Variants in SYTL2 observed in about 807,000 individuals in gnomAD.
SYTL2 encodes synaptotagmin like 2.
A neutral mutation model predicts 198.7 loss-of-function variants in SYTL2; 165 were observed. The observed-to-expected ratio is 0.83, with a 90% CI of 0.73 to 0.94. The LOEUF (loss-of-function observed/expected upper bound fraction) is 0.94, where lower values mean the gene tolerates loss of function less well. Among genes scored for constraint, SYTL2 ranks in the 40% least tolerant of loss-of-function variants. The probability of loss-of-function intolerance (pLI) is 0.00; values close to 1 mark genes in which losing one functional copy is unlikely to be tolerated. For missense variants in SYTL2, 2,835 were observed against 2,582.8 expected, an observed-to-expected ratio of 1.10 and a Z score of -2.12; for synonymous variants, 966 against 917.7, an observed-to-expected ratio of 1.05 and a Z score of -0.95.
the SYTL2 span, among the ~76,000 whole-genome samples, chr11:85,851,176 T>C: frequency 6.7e-6 from 1 of 149,140 alleles, no homozygotes; most frequent in African/African-American, 2.5e-5. Flanking sequence ...GAAAGTATAA[T>C]AAAAAAAAAA....
intron 1 of SYTL2, among the ~76,000 whole-genome samples, chr11:85,783,459 T>C (rs1216533353): frequency 6.6e-6 from 1 of 152,180 alleles, no homozygotes; most frequent in African/African-American, 2.4e-5. Context: ...TAAAACACTT[T>C]GATTTTTATA....
chr11:85,734,114 A>G lies in SYTL2; in HGVS notation c.1215T>C (p.Ser405=), dbSNP rs1413085628. ...CAGAAGTCATTGGCTGATGTGTTTCACTTTTTGATACATATGGGCTTGAGG... is the reference window on the plus strand; with the variant it reads ...CAGAAGTCATTGGCTGATGTGTTTCGCTTTTTGATACATATGGGCTTGAGG... ...QSTSSPYVSK[S]ETHQPMTSGS... The change falls in exon 7 of 20, where the codon AGT becomes AGC. Residue 405 remains serine (S), a synonymous_variant. Transcript: ENST00000359152. The G allele has an allele frequency of 6.2e-7, 1 of 1,614,174 alleles. No homozygotes were observed. Among genetic ancestry groups the G allele is most frequent in the Admixed American group, 1.7e-5 (1 of 60,024 alleles).
At position 85,745,644 on chromosome 11, in the gene SYTL2, T is replaced by C. The variant is rs1313089913; in HGVS notation, c.382A>G (p.Ser128Gly). Residue 128 changes from serine (S) to glycine (G), a missense_variant, in exon 4 of 20, where the codon AGC becomes GGC. Ser to Gly is a moderately conservative substitution (Grantham distance 56). Transcript: ENST00000359152. The part of the protein sequence containing the change: ...EEPEEDAAPA[S>G]PSSSVVNPAS... ...CCAGAAGCTTTGCCTTACCTCGGGC[T>C]TGCTGGTGCTGCATCTTCTTCTGGC... The C allele has an allele frequency of 1.2e-6, 2 of 1,612,636 alleles. No homozygotes were observed. The highest frequency in any genetic ancestry group is 1.7e-6 in the Non-Finnish European group (2 of 1,178,808).
At chr11:85,737,161 A>G (rs1334533544) in intron 5 of SYTL2, among the ~76,000 whole-genome samples, 1 of 152,214 alleles carries the variant, frequency 6.6e-6, no homozygotes, top group Admixed American at 6.5e-5. Flanking sequence ...ATAGGAATCA[A>G]TAACAATGTT....
intron 12 of SYTL2, among the ~76,000 whole-genome samples, chr11:85,713,196 G>A (rs149713221): frequency 8.5e-4 from 130 of 152,280 alleles, no homozygotes; most frequent in Non-Finnish European, 1.5e-3. Flanking sequence ...TGGACAAAAG[G>A]ATGCCCAGGC....
At chr11:85,785,616 C>G (rs957736135) in intron 1 of SYTL2, among the ~76,000 whole-genome samples, 1 of 152,046 alleles carries the variant, frequency 6.6e-6, no homozygotes, top group African/African-American at 2.4e-5. Flanking sequence ...TATGAGTTGG[C>G]TCAGGAGAAT....
upstream of SYTL2, among the ~76,000 whole-genome samples, chr11:85,812,912 G>A (rs960375869): frequency 1.3e-5 from 2 of 152,156 alleles, no homozygotes; most frequent in African/African-American, 4.8e-5. Flanking sequence ...CACTTTTATT[G>A]TTGATTGCAC....
upstream of SYTL2, among the ~76,000 whole-genome samples, chr11:85,815,034 CCTTCTTTCTCTTGTATTT>C (rs2093059813): frequency 6.6e-6 from 1 of 152,136 alleles, no homozygotes; most frequent in Admixed American, 6.5e-5. Context: ...TTCTGGGACC[CCTTCTTTCTCTTGTATTT>C]CTTCTTACCA....
In SYTL2 at chr11:85,726,346, A is replaced by G. The variant is rs147912942; in HGVS notation, c.3012T>C (p.Ile1004=). The G allele has an allele frequency of 8.4e-4, 1,359 of 1,613,916 alleles. 3 individuals are homozygous for G. The highest frequency in any genetic ancestry group is 1.1e-3 in the Non-Finnish European group (1,288 of 1,179,998). ...NSNSKDNDKN[I]TTTSQKNSAP... ...CAGAATTTTTTTGGCTTGTGGTGGT[A>G]ATATTCTTGTCATTATCCTTACTGT... Residue 1004 remains isoleucine, a synonymous_variant, in exon 8 of 20, where the codon ATT becomes ATC. Coordinates refer to ENST00000359152, the MANE Select transcript of SYTL2 (RefSeq NM_206927.4).
chr11:85,701,260 G>A (rs2084267960), intron 16 of SYTL2, among the ~76,000 whole-genome samples: 1 of 152,164 alleles, frequency 6.6e-6, no homozygotes, highest in Non-Finnish European at 1.5e-5. Flanking sequence ...TGGGACCCAA[G>A]TCTAAACACA....
rs369555406 is a variant in SYTL2 at position 85,699,303 on chromosome 11, G to A, written c.6268+1212C>T. Among the ~76,000 whole-genome samples the A allele has an allele frequency of 3.3e-5, 5 of 152,224 alleles. No individual in the cohort carries two copies. The East Asian group carries it at 9.7e-4, about 29-fold the overall frequency. ...GACTTTGGTAGGTTGAGGAGAAGAG[G>A]AAGCCATTTCAAAGAAGAAAAACTA... On this transcript the variant is annotated intron_variant, in intron 17 of 19. Coordinates refer to ENST00000359152, the MANE Select transcript of SYTL2 (RefSeq NM_206927.4).
Position 85,727,606 on chromosome 11 carries a change from C to T in SYTL2, c.1752G>A (p.Lys584=), listed in dbSNP as rs141398315. 3.1e-4 allele frequency: 480 copies of T among 1,535,988 alleles called. 1 individual carries two copies. The highest frequency in any genetic ancestry group is 3.8e-4 in the Non-Finnish European group (441 of 1,146,852). Residue 584 remains lysine, a synonymous_variant, in exon 8 of 20, where the codon AAG becomes AAA. Transcript: ENST00000359152. ...GGAATGGTGAGTCAGATCTCACAGG[C>T]TTCAATTCAATTTTGCTGGGTGATA... ...KTLSPSKIEL[K]PVRSDSPFQA... is the part of the protein sequence containing the mutation.
Position 85,726,273 on chromosome 11 carries a change from A to G in SYTL2, c.3085T>C (p.Ser1029Pro). The part of the protein sequence containing the change: ...KHKEFSDIKL[S>P]GKNTHEAEVL... ...TCTGCTTCATGGGTATTTTTACCTG[A>G]TAATTTAATGTCGCTGAATTCCTTG... The change falls in exon 8 of 20, where the codon TCA becomes CCA. Residue 1029 changes from serine (S) to proline (P), a missense_variant. By Grantham distance (74) the Ser-to-Pro change is moderately conservative. This residue lies in a region of SYTL2 where 2,645 missense variants were observed against 2,381.7 expected (regional missense o/e 1.11). Coordinates refer to ENST00000359152, the MANE Select transcript of SYTL2 (RefSeq NM_206927.4). The G allele has an allele frequency of 6.2e-7, 1 of 1,613,892 alleles. No individual in the cohort carries two copies. Among genetic ancestry groups the G allele is most frequent in the Non-Finnish European group, 8.5e-7 (1 of 1,179,970 alleles).
intron 4 of SYTL2, among the ~76,000 whole-genome samples, chr11:85,739,167 T>A (rs1431057174): frequency 6.6e-6 from 1 of 151,554 alleles, no homozygotes; most frequent in African/African-American, 2.4e-5. Context: ...CAGTGCCTGG[T>A]ACATAACTGG....
At chr11:85,806,743 T>C (rs2092963538) in intron 1 of SYTL2, among the ~76,000 whole-genome samples, 2 of 152,172 alleles carry the variant, frequency 1.3e-5, no homozygotes, top group South Asian at 4.1e-4. Context: ...GATGTGGAAA[T>C]TCTCTACCAG....
intron 1 of SYTL2, among the ~76,000 whole-genome samples, chr11:85,777,531 T>A (rs191994469): frequency 9.0e-4 from 137 of 151,966 alleles, no homozygotes; most frequent in African/African-American, 3.2e-3. Context: ...AGGAGGGGAA[T>A]GGCTAGAAAA....
chr11:85,791,677 C>T (rs900501627), intron 1 of SYTL2, among the ~76,000 whole-genome samples: 2 of 152,116 alleles, frequency 1.3e-5, no homozygotes, highest in Non-Finnish European at 2.9e-5. Flanking sequence ...CCTGCAATAG[C>T]TCTTCAAATA....
chr11:85,696,478 G>T, intron 18 of SYTL2, 90 bp from the exon 19 acceptor site: 2 of 1,065,798 alleles, frequency 1.9e-6, no homozygotes, highest in South Asian at 1.4e-5. Flanking sequence ...ATTAAAGATT[G>T]ACAATGGAGG....
In SYTL2 at chr11:85,734,673, T is replaced by A. The variant is rs1161537524; in HGVS notation, c.656A>T (p.Lys219Met). ...ATTTGAAAGGCCTGGCAAAGTCTGC[T>A]TTGATTTCTCTAACTTTTGGATTGA... ...DTSIQKLEKS[K>M]QTLPGLSNGS... The change falls in exon 7 of 20, where the codon AAG becomes ATG. Residue 219 changes from lysine (K) to methionine (M), a missense_variant. Physicochemically the swap from Lys to Met is moderately conservative, Grantham distance 95. Coordinates refer to ENST00000359152, the MANE Select transcript of SYTL2 (RefSeq NM_206927.4). The A allele has an allele frequency of 6.2e-7, 1 of 1,614,112 alleles. No individual in the cohort carries two copies. The highest frequency in any genetic ancestry group is 1.3e-5 in the African/African-American group (1 of 74,952).
Sources: allele counts gnomAD v4.1 joint callset (sites outside exome capture counted in the v4.1 genomes callset), GRCh38; gene constraint gnomAD v4.1.1; regional missense constraint gnomAD v4.1.1; transcripts MANE v1.5; gene names NCBI Gene and HGNC (gene_info 2026-07-23, HGNC 2026-07-21).